NTM: variants seen among roughly 807,000 people sequenced by gnomAD.
NTM encodes IgLON family member 2.
In NTM, 13 loss-of-function variants were observed where a neutral mutation model predicts 42.1. The observed-to-expected ratio is 0.31, with a 90% CI of 0.20 to 0.49. The LOEUF (loss-of-function observed/expected upper bound fraction) is 0.49, where lower values mean the gene tolerates loss of function less well. Among genes scored for constraint, NTM ranks in the 20% least tolerant of loss-of-function variants. The pLI is 0.99. For synonymous variants in NTM, 187 were observed against 179.2 expected (o/e 1.04, Z -0.35); for missense variants, 373 against 452.8 (o/e 0.82, Z 1.60).
intron 1 of NTM, among the ~76,000 whole-genome samples, chr11:131,460,743 G>A (rs1180148557): frequency 3.9e-5 from 6 of 152,062 alleles, no homozygotes; most frequent in Non-Finnish European, 1.5e-5. Context: ...TAATAGAGAC[G>A]GGGTTTCACC....
At chr11:131,373,142 C>T (rs1941450988) in intron 1 of NTM, among the ~76,000 whole-genome samples, 1 of 152,192 alleles carries the variant, frequency 6.6e-6, no homozygotes, top group South Asian at 2.1e-4. Flanking sequence ...TCAGATGTGG[C>T]AAAGGTGATG....
At chr11:131,674,470 C>T (rs73583649) in intron 1 of NTM, among the ~76,000 whole-genome samples, 5,201 of 152,328 alleles carry the variant, frequency 0.034, 301 homozygotes, top group African/African-American at 0.12. Flanking sequence ...GATGGTGCTT[C>T]TGCTTCCCTG....
chr11:131,707,534 T>C (rs1329765129), intron 1 of NTM, among the ~76,000 whole-genome samples: 1 of 152,086 alleles, frequency 6.6e-6, no homozygotes, highest in East Asian at 1.9e-4. Context: ...GTGGATCATA[T>C]TGTAATTTTA....
At chr11:132,314,829 A>G (rs970011537) in intron 7 of NTM, 126 bp downstream of exon 7, 207 of 1,392,430 alleles carry the variant, frequency 1.5e-4, no homozygotes, top group Non-Finnish European at 1.9e-4. Context: ...GAGAGGGAGG[A>G]AAAAAAAGAG....
chr11:132,320,913 C>T (rs1166322793), intron 7 of NTM, among the ~76,000 whole-genome samples: 3 of 151,342 alleles, frequency 2.0e-5, no homozygotes, highest in East Asian at 1.9e-4. Flanking sequence ...CCAGCAGGGC[C>T]ACACTGACAC....
At chr11:131,624,194 T>C (rs1240885101) in intron 1 of NTM, among the ~76,000 whole-genome samples, 3 of 152,184 alleles carry the variant, frequency 2.0e-5, no homozygotes, top group Non-Finnish European at 4.4e-5. Context: ...CTTAGTGCGG[T>C]CCGGCCTGGG....
chr11:131,726,125 G>T (rs1258495928), intron 1 of NTM, among the ~76,000 whole-genome samples: 9 of 152,156 alleles, frequency 5.9e-5, no homozygotes, highest in Non-Finnish European at 8.8e-5. Context: ...AAAATTACAT[G>T]AGAAAAGCAG....
intron 1 of NTM, among the ~76,000 whole-genome samples, chr11:131,867,521 A>G (rs2047347080): frequency 6.7e-6 from 1 of 150,050 alleles, no homozygotes; most frequent in Non-Finnish European, 1.5e-5. Context: ...ACACGTGTGT[A>G]TTGTGTAAGT....
chr11:131,964,962 T>G (rs2062641745), intron 2 of NTM, among the ~76,000 whole-genome samples: 1 of 152,096 alleles, frequency 6.6e-6, no homozygotes. Flanking sequence ...AAACTTACCC[T>G]GGCTGGTCTG....
intron 1 of NTM, among the ~76,000 whole-genome samples, chr11:131,666,987 T>C (rs2069174725): frequency 6.6e-6 from 1 of 152,198 alleles, no homozygotes; most frequent in Non-Finnish European, 1.5e-5. Context: ...AGGAACTGAC[T>C]TGGAGGCCTA....
At chr11:132,249,925 A>T (rs1247157941) in intron 4 of NTM, among the ~76,000 whole-genome samples, 1 of 152,158 alleles carries the variant, frequency 6.6e-6, no homozygotes, top group Non-Finnish European at 1.5e-5. Context: ...CTATTTTAAG[A>T]TATTGTTTTA....
chr11:132,061,424 TTG>T (rs2080655601), intron 2 of NTM, among the ~76,000 whole-genome samples: 1 of 152,234 alleles, frequency 6.6e-6, no homozygotes, highest in Non-Finnish European at 1.5e-5. Flanking sequence ...TTTAGGTTTC[TTG>T]TGAAGAAGGG....
At chr11:131,772,014 A>G (rs1325091102) in intron 1 of NTM, among the ~76,000 whole-genome samples, 1 of 152,006 alleles carries the variant, frequency 6.6e-6, no homozygotes. Context: ...CCTAATCCCA[A>G]GTTTCACTGT....
At chr11:132,043,382 G>A (rs1406155185) in intron 2 of NTM, among the ~76,000 whole-genome samples, 1 of 152,200 alleles carries the variant, frequency 6.6e-6, no homozygotes, top group Non-Finnish European at 1.5e-5. Context: ...TAACAAATGT[G>A]AGCCATGTGC....
rs148207497 is a variant in NTM, at chr11:131,609,314, G to A, written c.82+238426G>A. On this transcript the variant is annotated intron_variant, in intron 1 of 8. Transcript: ENST00000683400. ...GATGGTGTGCTGTTTGCATTGTTAC[G>A]CCTGGCTTAATGATAAAGCTTAGAA... Among the ~76,000 whole-genome samples the A allele has an allele frequency of 2.2e-3, 333 of 152,308 alleles. 1 individual carries two copies. The highest frequency in any genetic ancestry group is 3.0e-3 in the Non-Finnish European group (207 of 68,028).
intron 3 of NTM, among the ~76,000 whole-genome samples, chr11:132,172,798 A>T (rs1439806387): frequency 6.6e-6 from 1 of 152,170 alleles, no homozygotes; most frequent in Non-Finnish European, 1.5e-5. Flanking sequence ...TCTGGACATG[A>T]TCATTTGTGC....
intron 2 of NTM, among the ~76,000 whole-genome samples, chr11:132,124,833 C>A: frequency 6.6e-6 from 1 of 152,114 alleles, no homozygotes; most frequent in South Asian, 2.1e-4. Context: ...AAAAAAACAA[C>A]AACATAAAGA....
intron 1 of NTM, among the ~76,000 whole-genome samples, chr11:131,467,447 C>T: frequency 6.6e-6 from 1 of 152,172 alleles, no homozygotes; most frequent in Non-Finnish European, 1.5e-5. Flanking sequence ...TTTACACAAA[C>T]TAAAAAATTC....
intron 1 of NTM, among the ~76,000 whole-genome samples, chr11:131,389,024 A>AAAAAAAAAAGAAAAGAAAAG (rs774146196): frequency 1.6e-4 from 14 of 89,896 alleles, no homozygotes; most frequent in Admixed American, 2.5e-4. Flanking sequence ...AAAAAAAAAA[A>AAAAAAAAAAGAAAAGAAAAG]AAAAGAAAAG....
Sources: gnomAD v4.1 joint callset for allele counts (sites outside exome capture counted in the v4.1 genomes callset) on GRCh38, gnomAD v4.1.1 for gene constraint, MANE v1.5 for transcripts, NCBI Gene and HGNC (gene_info 2026-07-23, HGNC 2026-07-21) for gene names.